Variants in NAALADL2 observed in about 807,000 individuals in gnomAD.
NAALADL2 encodes N-acetylated alpha-linked acidic dipeptidase like 2.
NAALADL2 carries 76 observed loss-of-function variants against 87.2 expected under a neutral mutation model. The ratio of observed to expected loss-of-function variants is 0.87; its 90% CI spans 0.72 to 1.05. The LOEUF is 1.05. Ranked by LOEUF, NAALADL2 falls within the 50% of genes least tolerant of loss-of-function variation. The pLI is 0.00. For synonymous variants in NAALADL2, 354 were observed against 331.0 expected, an observed-to-expected ratio of 1.07 and a Z score of -0.75; for missense variants, 1,089 against 945.8, an observed-to-expected ratio of 1.15 and a Z score of -1.99.
intron 2 of NAALADL2, among the ~76,000 whole-genome samples, chr3:174,678,296 A>G (rs550240563): frequency 1.3e-5 from 2 of 152,256 alleles, no homozygotes; most frequent in Non-Finnish European, 2.9e-5. Context: ...TGATAATGCA[A>G]GTTTATGGAA....
At chr3:175,015,843 G>A (rs1185817496) in intron 1 of NAALADL2, among the ~76,000 whole-genome samples, 1 of 151,892 alleles carries the variant, frequency 6.6e-6, no homozygotes, top group Non-Finnish European at 1.5e-5. Context: ...TAATTTATGA[G>A]GGTCTATGTG....
chr3:175,189,217 T>C (rs897452946), intron 2 of NAALADL2, among the ~76,000 whole-genome samples: 4 of 152,210 alleles, frequency 2.6e-5, no homozygotes, highest in Admixed American at 2.0e-4. Context: ...TTCACCATAG[T>C]ACTAGAAGTA....
chr3:174,983,941 A>T (rs1393739139), intron 1 of NAALADL2, among the ~76,000 whole-genome samples: 1 of 152,182 alleles, frequency 6.6e-6, no homozygotes, highest in Non-Finnish European at 1.5e-5. Flanking sequence ...AAACTTGATG[A>T]ATACATACTA....
At chr3:175,024,285 C>A (rs4629342) in intron 1 of NAALADL2, among the ~76,000 whole-genome samples, 6 of 151,778 alleles carry the variant, frequency 4.0e-5, no homozygotes, top group African/African-American at 1.2e-4. Flanking sequence ...AATATGCATG[C>A]CATTATGAAT....
At chr3:175,191,215 T>C (rs966028842) in intron 2 of NAALADL2, among the ~76,000 whole-genome samples, 1 of 152,108 alleles carries the variant, frequency 6.6e-6, no homozygotes, top group Admixed American at 6.5e-5. Context: ...TCTTTATATG[T>C]GTCCCCTAAT....
chr3:174,564,714 A>G (rs1012757817), intron 2 of NAALADL2, among the ~76,000 whole-genome samples: 3 of 152,044 alleles, frequency 2.0e-5, no homozygotes, highest in Non-Finnish European at 2.9e-5. Flanking sequence ...ATATATTCCT[A>G]ATGAATTTAG....
At chr3:174,966,756 G>A (rs1742934505) in intron 1 of NAALADL2, among the ~76,000 whole-genome samples, 1 of 152,158 alleles carries the variant, frequency 6.6e-6, no homozygotes, top group African/African-American at 2.4e-5. Flanking sequence ...TGAGGTCTGA[G>A]TTCTAGACTG....
intron 4 of NAALADL2, among the ~76,000 whole-genome samples, chr3:175,310,726 C>T (rs1333952995): frequency 1.3e-5 from 2 of 151,562 alleles, no homozygotes; most frequent in African/African-American, 4.9e-5. Context: ...ATGCATGTCA[C>T]TATGGTCATT....
chr3:175,338,594 C>CAA (rs59687897), intron 5 of NAALADL2, among the ~76,000 whole-genome samples: 12 of 41,976 alleles, frequency 2.9e-4, no homozygotes, highest in African/African-American at 7.2e-4. Context: ...ATACAAAAAC[C>CAA]AAAAAAAAAA....
intron 1 of NAALADL2, among the ~76,000 whole-genome samples, chr3:175,026,370 G>C (rs1360817556): frequency 6.6e-6 from 1 of 151,648 alleles, no homozygotes; most frequent in East Asian, 1.9e-4. Context: ...GTTCAGGCTG[G>C]GCATGGTGAC....
chr3:174,520,956 A>G (rs1040683484), intron 1 of NAALADL2, among the ~76,000 whole-genome samples: 3 of 152,134 alleles, frequency 2.0e-5, no homozygotes, highest in Non-Finnish European at 2.9e-5. Flanking sequence ...AACTAAAACC[A>G]CAATAAGACA....
At chr3:175,635,225 T>G (rs1006153031) in intron 11 of NAALADL2, among the ~76,000 whole-genome samples, 2 of 152,092 alleles carry the variant, frequency 1.3e-5, no homozygotes, top group Non-Finnish European at 2.9e-5. Context: ...GTTTCTCTTT[T>G]GTCTTTTTGT....
chr3:175,617,008 C>T (rs1725435994), intron 10 of NAALADL2, among the ~76,000 whole-genome samples: 1 of 152,202 alleles, frequency 6.6e-6, no homozygotes, highest in East Asian at 1.9e-4. Flanking sequence ...AGAATCTGTC[C>T]TGGAGTCATG....
intron 3 of NAALADL2, among the ~76,000 whole-genome samples, chr3:174,825,525 T>C (rs75516498): frequency 8.7e-4 from 132 of 152,318 alleles, no homozygotes; most frequent in African/African-American, 2.9e-3. Context: ...CTCAGTGTAC[T>C]GATACAAATG....
intron 2 of NAALADL2, chr3:174,631,963 G>T (rs1722152653): frequency 1.3e-5 from 2 of 152,182 alleles, no homozygotes. Context: ...CAAAGTGAAT[G>T]ACCTTCTGAA....
Position 175,804,226 on chromosome 3 carries a change from TG to T in NAALADL2, c.*1024del. ...AAGAACTTACTATGAAAGAAATAGT[TG>T]TTTTATCAATAAAAGCCCCTTAATA... On this transcript the variant is annotated 3_prime_UTR_variant, in exon 14 of 14. Coordinates refer to ENST00000454872, the MANE Select transcript of NAALADL2 (RefSeq NM_207015.3). 6.6e-6 allele frequency: 1 copy of T among 151,938 alleles called. No homozygotes were observed. Among genetic ancestry groups the T allele is most frequent in the East Asian group, 1.9e-4 (1 of 5,188 alleles). 9.4% of individuals were successfully genotyped at this position (151,938 alleles called of 1,614,324 possible).
At chr3:175,472,901 G>A (rs563683787) in intron 9 of NAALADL2, among the ~76,000 whole-genome samples, 185 of 152,144 alleles carry the variant, frequency 1.2e-3, no homozygotes, top group Non-Finnish European at 1.8e-3. Context: ...AAGCAAATGA[G>A]CCTCGGATGT....
chr3:175,326,425 A>G (rs1321226858), intron 5 of NAALADL2, among the ~76,000 whole-genome samples: 1 of 152,108 alleles, frequency 6.6e-6, no homozygotes, highest in African/African-American at 2.4e-5. Flanking sequence ...GCTCACAACA[A>G]TTTAGGCTTT....
At chr3:174,997,699 C>G (rs1747699116) in intron 1 of NAALADL2, among the ~76,000 whole-genome samples, 1 of 151,888 alleles carries the variant, frequency 6.6e-6, no homozygotes, top group South Asian at 2.1e-4. Context: ...ACGTATAATC[C>G]TAGTTACTTA....
Sources: gnomAD v4.1 joint callset for allele counts (sites outside exome capture counted in the v4.1 genomes callset) on GRCh38, gnomAD v4.1.1 for gene constraint, MANE v1.5 for transcripts, NCBI Gene and HGNC (gene_info 2026-07-23, HGNC 2026-07-21) for gene names.